The following ADAMTS3 variants were observed in gnomAD, a reference collection of about 807,000 sequenced individuals.
The protein encoded by ADAMTS3 is ADAM metallopeptidase with thrombospondin type 1 motif 3.
Under a neutral mutation model 129.0 loss-of-function variants are expected in ADAMTS3, and 73 were observed. The observed-to-expected ratio is 0.57, with a 90% CI of 0.47 to 0.69. ADAMTS3 has a LOEUF of 0.69. ADAMTS3 is among the 30% of genes least tolerant of loss of function. ADAMTS3 has a pLI of 0.00. For synonymous variants in ADAMTS3, 477 were observed against 510.8 expected (o/e 0.93, Z 0.89); for missense variants, 1,457 against 1,514.5 (o/e 0.96, Z 0.63).
chr4:72,444,956 T>C (rs1380524277), intron 3 of ADAMTS3, among the ~76,000 whole-genome samples: 1 of 151,604 alleles, frequency 6.6e-6, no homozygotes, highest in African/African-American at 2.4e-5. Flanking sequence ...AACCCACATA[T>C]TGTACGCATC....
chr4:72,384,469 T>A (rs555768364), intron 4 of ADAMTS3, among the ~76,000 whole-genome samples: 5 of 152,272 alleles, frequency 3.3e-5, no homozygotes, highest in Admixed American at 2.0e-4. Context: ...TATCCTTGAC[T>A]TCTCATCAAA....
At chr4:72,385,276 G>A (rs961396151) in intron 4 of ADAMTS3, among the ~76,000 whole-genome samples, 1 of 151,822 alleles carries the variant, frequency 6.6e-6, no homozygotes, top group African/African-American at 2.4e-5. Flanking sequence ...TAACTCTAAG[G>A]ACACCTGAAA....
chr4:72,456,768 T>TG (rs1718632358), intron 3 of ADAMTS3, among the ~76,000 whole-genome samples: 1 of 151,442 alleles, frequency 6.6e-6, no homozygotes, highest in African/African-American at 2.4e-5. Flanking sequence ...GGTAGGCTCC[T>TG]CTTTAATTGG....
chr4:72,319,308 C>T, intron 9 of ADAMTS3, 24 bp downstream of exon 9: 1 of 1,612,882 alleles, frequency 6.2e-7, no homozygotes, highest in Non-Finnish European at 8.5e-7. Context: ...TAAATACTTT[C>T]ATGACATGCA....
In ADAMTS3 at chr4:72,318,668, A is replaced by T. The variant is rs762459390; in HGVS notation, c.1389T>A (p.His463Gln). 5 of 1,613,902 alleles carry T rather than the reference A, an allele frequency of 3.1e-6. No individual in the cohort carries two copies. The highest frequency in any genetic ancestry group is 4.2e-6 in the Non-Finnish European group (5 of 1,179,870). Residue 463 changes from histidine (H) to glutamine (Q), a missense_variant, in exon 10 of 22, where the codon CAT becomes CAA. His to Gln is a conservative substitution (Grantham distance 24). Coordinates refer to ENST00000286657, the MANE Select transcript of ADAMTS3 (RefSeq NM_014243.3). The stretch of plus-strand genomic sequence containing the variant: ...GAAGTTCTGGGAGTTTAGGCCAATC[A>T]TGATCAAAAGGGTCATCAAGGAGAC... ...YDCLLDDPFD[H>Q]DWPKLPELPG...
intron 3 of ADAMTS3, among the ~76,000 whole-genome samples, chr4:72,420,537 C>G (rs528413600): frequency 4.1e-4 from 63 of 152,306 alleles, no homozygotes; most frequent in Middle Eastern, 6.8e-3. Context: ...CACTTACTGT[C>G]CTCCGACACA....
chr4:72,377,859 G>T (rs940760663), intron 4 of ADAMTS3, among the ~76,000 whole-genome samples: 1 of 152,112 alleles, frequency 6.6e-6, no homozygotes, highest in Non-Finnish European at 1.5e-5. Flanking sequence ...CCAAAACTGG[G>T]ATTCACTAAC....
intron 4 of ADAMTS3, among the ~76,000 whole-genome samples, chr4:72,347,670 C>T (rs1197358528): frequency 6.6e-6 from 1 of 151,932 alleles, no homozygotes; most frequent in Non-Finnish European, 1.5e-5. Context: ...TTTTCATTAA[C>T]ATTTCTCTTC....
At chr4:72,471,216 T>TG (rs1211961107) in intron 3 of ADAMTS3, among the ~76,000 whole-genome samples, 1 of 152,194 alleles carries the variant, frequency 6.6e-6, no homozygotes, top group African/African-American at 2.4e-5. Context: ...ATTAGAAACT[T>TG]GGAGTACTTG....
At chr4:72,354,773 T>G (rs1020292720) in intron 4 of ADAMTS3, among the ~76,000 whole-genome samples, 1 of 152,022 alleles carries the variant, frequency 6.6e-6, no homozygotes, top group Non-Finnish European at 1.5e-5. Context: ...GTCATTTTTA[T>G]TTTGCTTGTC....
intron 3 of ADAMTS3, among the ~76,000 whole-genome samples, chr4:72,448,007 G>A (rs1459662822): frequency 1.3e-5 from 2 of 151,506 alleles, no homozygotes; most frequent in East Asian, 3.9e-4. Flanking sequence ...TAAACCCAAA[G>A]GGGACCTCTC....
At chr4:72,328,052 C>T (rs537205703) in intron 5 of ADAMTS3, among the ~76,000 whole-genome samples, 5 of 152,250 alleles carry the variant, frequency 3.3e-5, no homozygotes, top group East Asian at 1.9e-4. Context: ...TTCTAAGTGA[C>T]GTATTTGACA....
At chr4:72,499,193 G>A (rs1345619968) in intron 3 of ADAMTS3, among the ~76,000 whole-genome samples, 1 of 152,122 alleles carries the variant, frequency 6.6e-6, no homozygotes, top group Non-Finnish European at 1.5e-5. Flanking sequence ...CCATTGTTTT[G>A]TCTACAGTCT....
intron 19 of ADAMTS3, among the ~76,000 whole-genome samples, chr4:72,295,240 T>A (rs1718775285): frequency 6.6e-6 from 1 of 151,882 alleles, no homozygotes; most frequent in Non-Finnish European, 1.5e-5. Flanking sequence ...GTATGTTAGG[T>A]CAGTAATGGG....
At chr4:72,560,868 A>G (rs548170877) in intron 2 of ADAMTS3, among the ~76,000 whole-genome samples, 67 of 152,300 alleles carry the variant, frequency 4.4e-4, no homozygotes, top group South Asian at 2.7e-3. Context: ...TTTTTCTAAA[A>G]TGTAGTATTA....
At chr4:72,534,792 C>T (rs7690412) in intron 3 of ADAMTS3, among the ~76,000 whole-genome samples, 1,996 of 152,162 alleles carry the variant, frequency 0.013, 19 homozygotes, top group Non-Finnish European at 0.019. Context: ...TGAACATGTT[C>T]CTAATTTTTT....
rs1719079886 is a variant in ADAMTS3 at position 72,305,999 on chromosome 4, G to A, written c.2248C>T (p.Pro750Ser). ...HVLIQEDEASPHILAIKNQAT... is the reference protein window; with the variant it reads ...HVLIQEDEASSHILAIKNQAT... ...CAGAAACACTTACCAAGAATATGAGGAGAAGCCTCGTCTTCTTGGATTAAC... is the reference window on the plus strand; with the variant it reads ...CAGAAACACTTACCAAGAATATGAGAAGAAGCCTCGTCTTCTTGGATTAAC... Residue 750 changes from proline to serine, a missense_variant, in exon 16 of 22, where the codon CCT becomes TCT. By Grantham distance (74) the Pro-to-Ser change is moderately conservative (BLOSUM62 -1). Coordinates refer to ENST00000286657, the MANE Select transcript of ADAMTS3 (RefSeq NM_014243.3). 3 of 1,611,350 alleles carry A rather than the reference G, an allele frequency of 1.9e-6. No homozygotes were observed. The highest frequency in any genetic ancestry group is 2.5e-6 in the Non-Finnish European group (3 of 1,178,402).
chr4:72,385,313 C>T (rs1247588438), intron 4 of ADAMTS3, among the ~76,000 whole-genome samples: 2 of 151,758 alleles, frequency 1.3e-5, no homozygotes, highest in Admixed American at 1.3e-4. Context: ...TATAGTACCT[C>T]AGTGGCCATT....
chr4:72,530,378 A>T (rs1189662152), intron 3 of ADAMTS3, among the ~76,000 whole-genome samples: 2 of 85,286 alleles, frequency 2.3e-5, no homozygotes, highest in African/African-American at 4.9e-5. Context: ...ATAATATATA[A>T]TATATATTAA....
Sources: allele counts gnomAD v4.1 joint callset (sites outside exome capture counted in the v4.1 genomes callset), GRCh38; gene constraint gnomAD v4.1.1; transcripts MANE v1.5; gene names NCBI Gene and HGNC (gene_info 2026-07-23, HGNC 2026-07-21).